PPARGC1B: variants seen among roughly 807,000 people sequenced by gnomAD.
The protein encoded by PPARGC1B is PPARG coactivator 1 beta, also known as peroxisome proliferator-activated receptor gamma coactivator 1-beta.
In PPARGC1B, 34 loss-of-function variants were observed where a neutral mutation model predicts 101.6. The observed-to-expected ratio is 0.33, with a 90% CI of 0.25 to 0.45. PPARGC1B has a LOEUF of 0.45. Among genes scored for constraint, PPARGC1B ranks in the 20% least tolerant of loss-of-function variants. The pLI, the probability that PPARGC1B is intolerant of heterozygous loss-of-function variation, is 1.00. For synonymous variants in PPARGC1B, 548 were observed against 539.3 expected (o/e 1.02, Z -0.22); for missense variants, 1,234 against 1,317.6 (o/e 0.94, Z 0.98).
chr5:149,803,397 A>G (rs1203482727), intron 1 of PPARGC1B, among the ~76,000 whole-genome samples: 1 of 152,118 alleles, frequency 6.6e-6, no homozygotes, highest in Non-Finnish European at 1.5e-5. Context: ...GTGAGTGTCA[A>G]ATGGGAGAAT....
chr5:149,840,598 G>C (rs1759295172), intron 9 of PPARGC1B, among the ~76,000 whole-genome samples: 2 of 152,182 alleles, frequency 1.3e-5, no homozygotes, highest in African/African-American at 4.8e-5. Flanking sequence ...TCAGTGCCGA[G>C]AGACCAAGAG....
intron 1 of PPARGC1B, among the ~76,000 whole-genome samples, chr5:149,765,942 T>C (rs1755898365): frequency 6.6e-6 from 1 of 152,100 alleles, no homozygotes; most frequent in Non-Finnish European, 1.5e-5. Context: ...ATAGTGTATT[T>C]AAAGTACTTG....
intron 2 of PPARGC1B, among the ~76,000 whole-genome samples, chr5:149,823,938 A>T (rs563181439): frequency 1.4e-4 from 22 of 152,124 alleles, no homozygotes; most frequent in African/African-American, 5.3e-4. Context: ...CCTACCCCTG[A>T]CTCACTGTGT....
chr5:149,791,330 A>G lies in PPARGC1B; in HGVS notation c.79-29103A>G, dbSNP rs544663220. On this transcript the variant is annotated intron_variant, in intron 1 of 11. Transcript: ENST00000309241. ...AATTTCTATTAAAAAAACTGATTCT[A>G]TTAGGTTTCTCCTTGTCTTCCCTCT... 1.8e-3 allele frequency among the ~76,000 whole-genome samples: 267 copies of G among 151,714 alleles called. 2 individuals are homozygous for G. The highest frequency in any genetic ancestry group is 3.4e-3 in the Non-Finnish European group (231 of 67,932).
chr5:149,748,042 C>G (rs964899956), intron 1 of PPARGC1B, among the ~76,000 whole-genome samples: 1 of 152,076 alleles, frequency 6.6e-6, no homozygotes, highest in African/African-American at 2.4e-5. Context: ...CTCCTTTGCT[C>G]AGCTGGCCTG....
At chr5:149,814,824 C>A (rs1757991846) in intron 1 of PPARGC1B, among the ~76,000 whole-genome samples, 2 of 152,226 alleles carry the variant, frequency 1.3e-5, no homozygotes, top group African/African-American at 4.8e-5. Flanking sequence ...TTGGGGCAGC[C>A]ACAGTCCTTT....
At chr5:149,736,776 T>G (rs948465826) in intron 1 of PPARGC1B, among the ~76,000 whole-genome samples, 1 of 152,160 alleles carries the variant, frequency 6.6e-6, no homozygotes, top group African/African-American at 2.4e-5. Context: ...GACTTTATTT[T>G]TTTAGAACAA....
chr5:149,749,901 G>T (rs1755226318), intron 1 of PPARGC1B, among the ~76,000 whole-genome samples: 2 of 152,142 alleles, frequency 1.3e-5, no homozygotes, highest in South Asian at 4.2e-4. Flanking sequence ...TCTGCTTGGA[G>T]CTGAACCACC....
chr5:149,751,088 T>C (rs1755285696), intron 1 of PPARGC1B, among the ~76,000 whole-genome samples: 1 of 144,442 alleles, frequency 6.9e-6, no homozygotes, highest in South Asian at 2.1e-4. Flanking sequence ...TTAGATTCCT[T>C]TTACTTTTAT....
At chr5:149,764,993 G>A (rs912285811) in intron 1 of PPARGC1B, among the ~76,000 whole-genome samples, 7 of 151,888 alleles carry the variant, frequency 4.6e-5, no homozygotes, top group Non-Finnish European at 7.4e-5. Context: ...CTCAAGAATA[G>A]TGCAGAGAAA....
intron 1 of PPARGC1B, among the ~76,000 whole-genome samples, chr5:149,806,762 C>A (rs1043665935): frequency 1.3e-5 from 2 of 152,002 alleles, no homozygotes. Context: ...CACCCACCAC[C>A]ATGCCCAGCT....
intron 11 of PPARGC1B, 89 bp from the exon 12 acceptor site, chr5:149,847,369 A>G: frequency 1.0e-6 from 1 of 974,086 alleles, no homozygotes; most frequent in Non-Finnish European, 1.7e-6. Flanking sequence ...CACGGTGCCC[A>G]CTCATAGTGG....
chr5:149,763,588 T>A (rs1384743001), intron 1 of PPARGC1B, among the ~76,000 whole-genome samples: 2 of 133,586 alleles, frequency 1.5e-5, no homozygotes, highest in African/African-American at 5.7e-5. Context: ...TGCAGTGCAG[T>A]GGTGTGATCA....
rs1323415210 is a variant in PPARGC1B at position 149,850,031 on chromosome 5, GA to G, written c.*2475del. 1 of 152,250 alleles carries G rather than the reference GA, an allele frequency of 6.6e-6. No individual in the cohort carries two copies. The highest frequency in any genetic ancestry group is 1.9e-4 in the East Asian group (1 of 5,204). The allele number at this position is 152,250 out of a possible 1,614,324, so 9.4% of individuals were successfully genotyped here. ...TAAGTCCTGATTTACATCAAGGAGAGAACTGAGATAGGAAAGAACACTAGAT... is the reference window on the plus strand; with the variant it reads ...TAAGTCCTGATTTACATCAAGGAGAGACTGAGATAGGAAAGAACACTAGAT... On this transcript the variant is annotated 3_prime_UTR_variant, in exon 12 of 12. Coordinates refer to ENST00000309241, the MANE Select transcript of PPARGC1B (RefSeq NM_133263.4).
intron 1 of PPARGC1B, among the ~76,000 whole-genome samples, chr5:149,753,477 G>A (rs1429986452): frequency 1.3e-5 from 2 of 151,780 alleles, no homozygotes; most frequent in Non-Finnish European, 2.9e-5. Flanking sequence ...CAAAATGCTG[G>A]GATTACTAAA....
At chr5:149,778,898 C>T (rs1322618827) in intron 1 of PPARGC1B, among the ~76,000 whole-genome samples, 2 of 152,090 alleles carry the variant, frequency 1.3e-5, no homozygotes, top group African/African-American at 2.4e-5. Context: ...AGAGATTATC[C>T]AGAAAGTTTT....
chr5:149,752,595 G>A (rs1039914164), intron 1 of PPARGC1B, among the ~76,000 whole-genome samples: 1 of 152,240 alleles, frequency 6.6e-6, no homozygotes, highest in African/African-American at 2.4e-5. Flanking sequence ...TTGGGAGGCC[G>A]AGGTGGGTGG....
At chr5:149,753,681 G>A (rs1211355103) in intron 1 of PPARGC1B, among the ~76,000 whole-genome samples, 1 of 151,970 alleles carries the variant, frequency 6.6e-6, no homozygotes, top group African/African-American at 2.4e-5. Flanking sequence ...AAAAGGTGTT[G>A]TGTATTTATT....
chr5:149,799,693 G>GTTGTTTTTT (rs752427488), intron 1 of PPARGC1B, among the ~76,000 whole-genome samples: 84 of 76,452 alleles, frequency 1.1e-3, no homozygotes, highest in African/African-American at 4.5e-3. Context: ...GCTTGTTGTT[G>GTTGTTTTTT]TTTTTTTTTT....
Sources: allele counts gnomAD v4.1 joint callset (sites outside exome capture counted in the v4.1 genomes callset), GRCh38; gene constraint gnomAD v4.1.1; transcripts MANE v1.5; gene names NCBI Gene and HGNC (gene_info 2026-07-23, HGNC 2026-07-21).